AGBL3: variants seen among roughly 807,000 people sequenced by gnomAD.
AGBL3 encodes the protein AGBL carboxypeptidase 3.
In AGBL3, 68 loss-of-function variants were observed where a neutral mutation model predicts 94.5. The observed-to-expected ratio is 0.72, with a 90% confidence interval of 0.59 to 0.88. The LOEUF is 0.88. AGBL3 is among the 40% of genes least tolerant of loss of function. AGBL3 has a pLI of 0.00. For synonymous variants in AGBL3, 354 were observed against 370.7 expected, an observed-to-expected ratio of 0.95 and a Z score of 0.52; for missense variants, 934 against 1,103.8, an observed-to-expected ratio of 0.85 and a Z score of 2.18.
At chr7:135,004,606 ATATT>A (rs1812152244) in intron 4 of AGBL3, among the ~76,000 whole-genome samples, 1 of 138,708 alleles carries the variant, frequency 7.2e-6, no homozygotes, top group African/African-American at 2.6e-5. Context: ...AGTTTCCTAT[ATATT>A]CTGTTCCAGG....
At chr7:135,049,398 T>A (rs1817673030) in intron 11 of AGBL3, among the ~76,000 whole-genome samples, 1 of 151,988 alleles carries the variant, frequency 6.6e-6, no homozygotes, top group African/African-American at 2.4e-5. Flanking sequence ...TCTTCTGGTA[T>A]CTTTGTCTAG....
chr7:135,070,040 G>A (rs912747697), intron 12 of AGBL3, among the ~76,000 whole-genome samples: 5 of 152,134 alleles, frequency 3.3e-5, no homozygotes, highest in Non-Finnish European at 5.9e-5. Flanking sequence ...TGACAAAGGG[G>A]ATATCACCAC....
chr7:135,059,203 T>C lies in AGBL3; in HGVS notation c.1876T>C (p.Ser626Pro). The change falls in exon 12 of 17, where the codon TCT becomes CCT. Residue 626 changes from serine (S) to proline (P), a missense_variant. Around this residue, in one of 3 missense-constraint regions of AGBL3, gnomAD observed 441 missense variants for 518.2 expected, o/e 0.85. Transcript: ENST00000436302. ...RGSDSSESID[S>P]LTYLLKLTSQ... ...CTCTGACAGTTCAGAATCCATTGAC[T>C]CTCTGACTTACCTTCTCAAGTTAAC... is the stretch of plus-strand genomic sequence containing the variant. 3 of 1,551,310 alleles carry C rather than the reference T, an allele frequency of 1.9e-6. No homozygotes were observed. The highest frequency in any genetic ancestry group is 2.6e-6 in the Non-Finnish European group (3 of 1,146,780).
chr7:135,076,729 AG>A, intron 13 of AGBL3, among the ~76,000 whole-genome samples: 1 of 152,352 alleles, frequency 6.6e-6, no homozygotes, highest in South Asian at 2.1e-4. Flanking sequence ...AGATGCATCC[AG>A]GGTAGCAAGA....
chr7:135,050,265 G>A (rs1416116770), intron 11 of AGBL3, among the ~76,000 whole-genome samples: 1 of 151,780 alleles, frequency 6.6e-6, no homozygotes, highest in African/African-American at 2.4e-5. Flanking sequence ...AATAATACTT[G>A]TTTGTTAAAT....
At chr7:135,098,677 G>A (rs1585101737) in intron 15 of AGBL3, among the ~76,000 whole-genome samples, 1 of 152,304 alleles carries the variant, frequency 6.6e-6, no homozygotes, top group South Asian at 2.1e-4. Context: ...ATTTAAGTGA[G>A]AATACACTGT....
chr7:135,098,078 G>GCCTAAAGGA (rs1823188040), intron 15 of AGBL3, among the ~76,000 whole-genome samples: 2 of 152,088 alleles, frequency 1.3e-5, no homozygotes, highest in African/African-American at 4.8e-5. Flanking sequence ...GATGCAAAGG[G>GCCTAAAGGA]CCTAAATGAC....
chr7:135,025,339 C>A (rs1431719476), intron 5 of AGBL3, among the ~76,000 whole-genome samples: 1 of 151,542 alleles, frequency 6.6e-6, no homozygotes, highest in Non-Finnish European at 1.5e-5. Context: ...GAATTCTAAT[C>A]AAGAATTTCA....
At chr7:135,066,526 T>C (rs965982471) in intron 12 of AGBL3, among the ~76,000 whole-genome samples, 5 of 152,216 alleles carry the variant, frequency 3.3e-5, no homozygotes, top group Non-Finnish European at 4.4e-5. Flanking sequence ...AGAATGTAAA[T>C]TGGTACAGCA....
intron 16 of AGBL3, chr7:135,129,432 G>A: frequency 1.3e-6 from 1 of 786,212 alleles, no homozygotes; most frequent in Non-Finnish European, 2.3e-6. Context: ...GAAGGCACTG[G>A]AAGAGATGGA....
At chr7:135,100,981 C>A (rs1823746704) in intron 15 of AGBL3, among the ~76,000 whole-genome samples, 1 of 152,160 alleles carries the variant, frequency 6.6e-6, no homozygotes, top group Non-Finnish European at 1.5e-5. Context: ...ACTTTGCATA[C>A]CCTGAGGTGT....
intron 4 of AGBL3, among the ~76,000 whole-genome samples, chr7:135,001,779 G>C (rs1480438855): frequency 6.6e-6 from 1 of 152,182 alleles, no homozygotes; most frequent in African/African-American, 2.4e-5. Context: ...ATTCAAGCTT[G>C]GCCCAGTGTC....
chr7:135,134,843 T>C lies in AGBL3; in HGVS notation c.2345T>C (p.Leu782Pro). 2 of 1,549,156 alleles carry C rather than the reference T, an allele frequency of 1.3e-6. No homozygotes were observed. The highest frequency in any genetic ancestry group is 8.7e-7 in the Non-Finnish European group (1 of 1,145,288). ...PRTNFQIQHQ[L>P]NPATCRNIKK... ...CACGTATTTCATTTCTTTTCTAGAC[T>C]AAATCCGGCTACTTGCAGAAATATA... The change falls in exon 17 of 17, where the codon CTA becomes CCA. Residue 782 changes from leucine (L) to proline (P), a missense_variant and splice_region_variant. Coordinates refer to ENST00000436302, the MANE Select transcript of AGBL3 (RefSeq NM_178563.4).
At chr7:135,037,812 C>T (rs1816459562) in intron 8 of AGBL3, among the ~76,000 whole-genome samples, 1 of 152,146 alleles carries the variant, frequency 6.6e-6, no homozygotes, top group Non-Finnish European at 1.5e-5. Flanking sequence ...CATAATACCA[C>T]TGCTCTTTTA....
chr7:134,989,481 G>A (rs149842260), intron 3 of AGBL3, among the ~76,000 whole-genome samples, 171 bp downstream of exon 3: 2,611 of 152,260 alleles, frequency 0.017, 43 homozygotes, highest in Non-Finnish European at 0.026. Flanking sequence ...GTTTGTTTTA[G>A]GTAAGCCTAT....
At chr7:135,057,195 C>T (rs1818415254) in intron 11 of AGBL3, among the ~76,000 whole-genome samples, 1 of 152,040 alleles carries the variant, frequency 6.6e-6, no homozygotes, top group Admixed American at 6.6e-5. Context: ...AACAATTGGA[C>T]ATCCACAGGC....
chr7:135,002,694 C>T (rs1419811949), intron 4 of AGBL3, among the ~76,000 whole-genome samples: 1 of 152,166 alleles, frequency 6.6e-6, no homozygotes, highest in African/African-American at 2.4e-5. Context: ...GTTTGGACAA[C>T]CTAGGCCATC....
chr7:135,006,683 G>A (rs905953679), intron 4 of AGBL3, among the ~76,000 whole-genome samples: 9 of 151,888 alleles, frequency 5.9e-5, no homozygotes, highest in Admixed American at 2.0e-4. Context: ...GAAGTGTTGT[G>A]AAATCTTATG....
At chr7:135,018,289 C>T (rs1224508111) in intron 5 of AGBL3, among the ~76,000 whole-genome samples, 1 of 152,156 alleles carries the variant, frequency 6.6e-6, no homozygotes, top group East Asian at 1.9e-4. Flanking sequence ...CAACTGCCAA[C>T]CTGTGGCACC....
Sources: gnomAD v4.1 joint callset for allele counts (sites outside exome capture counted in the v4.1 genomes callset) on GRCh38, gnomAD v4.1.1 for gene constraint, gnomAD v4.1.1 regional missense constraint, MANE v1.5 for transcripts, NCBI Gene and HGNC (gene_info 2026-07-23, HGNC 2026-07-21) for gene names.